The following CYFIP2 variants were observed in gnomAD, a reference collection of about 807,000 sequenced individuals.
The protein encoded by CYFIP2 is cytoplasmic FMR1-interacting protein 2.
A neutral mutation model predicts 158.7 loss-of-function variants in CYFIP2; 29 were observed. The observed-to-expected ratio is 0.18, with a 90% CI of 0.14 to 0.25. The LOEUF (loss-of-function observed/expected upper bound fraction) is 0.25. Among genes scored for constraint, CYFIP2 ranks in the 10% least tolerant of loss-of-function variants. The pLI is 1.00. For synonymous variants in CYFIP2, 585 were observed against 617.6 expected, an observed-to-expected ratio of 0.95 and a Z score of 0.78; for missense variants, 852 against 1,639.5, an observed-to-expected ratio of 0.52 and a Z score of 8.29.
chr5:157,342,397 CTCACAAATTATTTCCAAATAA>C (rs1762334874), intron 23 of CYFIP2: 1 of 154,148 alleles, frequency 6.5e-6, no homozygotes, highest in South Asian at 2.0e-4. Context: ...AGCAAGGGTT[CTCACAAATTATTTCCAAATAA>C]TCCCAAATTA....
At chr5:157,294,939 C>G in intron 4 of CYFIP2, 79 bp downstream of exon 4, 1 of 1,182,486 alleles carries the variant, frequency 8.5e-7, no homozygotes, top group Non-Finnish European at 1.2e-6. Flanking sequence ...AACCAGAGAG[C>G]TGAGCTTTTC....
intron 23 of CYFIP2, among the ~76,000 whole-genome samples, chr5:157,350,506 C>A (rs1762992988): frequency 6.6e-6 from 1 of 152,198 alleles, no homozygotes; most frequent in African/African-American, 2.4e-5. Context: ...AATGACATTA[C>A]CATGCTGTTT....
chr5:157,360,470 C>A, intron 25 of CYFIP2, 98 bp downstream of exon 25: 1 of 987,828 alleles, frequency 1.0e-6, no homozygotes, highest in Non-Finnish European at 1.5e-6. Flanking sequence ...TGCCAGTGAG[C>A]TGGCAGAGTA....
At chr5:157,270,744 T>C (rs533107296) in intron 1 of CYFIP2, among the ~76,000 whole-genome samples, 7 of 152,336 alleles carry the variant, frequency 4.6e-5, no homozygotes, top group African/African-American at 1.4e-4. Flanking sequence ...CAGATTCTTA[T>C]ATTGACAAGG....
In CYFIP2 at chr5:157,360,387, A is replaced by G. The variant is rs1460832372; in HGVS notation, c.2908+15A>G. 6.2e-7 allele frequency: 1 copy of G among 1,609,342 alleles called. No homozygotes were observed. The highest frequency in any genetic ancestry group is 1.1e-5 in the South Asian group (1 of 90,728). On this transcript the variant is annotated intron_variant, in intron 25 of 30. Coordinates refer to ENST00000620254, the MANE Select transcript of CYFIP2 (RefSeq NM_001037333.3). ...TGGCTCCCCAGGTTGGTGATAGCAA[A>G]ACAATCCAGACCCCTCCCATGGTGG...
chr5:157,335,849 A>G (rs140816702), intron 21 of CYFIP2, among the ~76,000 whole-genome samples: 4 of 152,290 alleles, frequency 2.6e-5, no homozygotes, highest in African/African-American at 9.6e-5. Context: ...TAGTTTTCCA[A>G]TAATGAGCAT....
chr5:157,270,370 G>A (rs1373081266), intron 1 of CYFIP2, among the ~76,000 whole-genome samples: 1 of 152,142 alleles, frequency 6.6e-6, no homozygotes, highest in African/African-American at 2.4e-5. Flanking sequence ...GAGACTTCAG[G>A]GTTTGGAACA....
At chr5:157,333,552 G>A in intron 21 of CYFIP2, 106 bp downstream of exon 21, 1 of 1,467,848 alleles carries the variant, frequency 6.8e-7, no homozygotes, top group South Asian at 1.2e-5. Flanking sequence ...AAGAGGGGCA[G>A]TGAGTCTCTT....
intron 1 of CYFIP2, among the ~76,000 whole-genome samples, chr5:157,276,554 C>CT (rs1309002588): frequency 6.6e-6 from 1 of 152,174 alleles, no homozygotes; most frequent in African/African-American, 2.4e-5. Flanking sequence ...TTATCGAGCA[C>CT]TTTCTACCAG....
rs1455964120 is a variant in CYFIP2, at chr5:157,361,230, TGTGTGTGC to T, written c.2909-237_2909-230del. On this transcript the variant is annotated intron_variant, in intron 25 of 30. Transcript: ENST00000620254. The surrounding 1 kb of genome is among the most constrained non-coding windows in gnomAD (Gnocchi z 4.4). ...CCTCATTTGTGTGCCTGTGTTTGTG[TGTGTGTGC>T]ATGTGTGTGCGTGTGTGTGTTCTGA... Among the ~76,000 whole-genome samples the T allele has an allele frequency of 6.6e-6, 1 of 152,094 alleles. No individual in the cohort carries two copies. Among genetic ancestry groups the T allele is most frequent in the Non-Finnish European group, 1.5e-5 (1 of 68,024 alleles).
chr5:157,368,826 G>A (rs537503161), intron 26 of CYFIP2, among the ~76,000 whole-genome samples: 20 of 151,836 alleles, frequency 1.3e-4, no homozygotes, highest in South Asian at 1.0e-3. Context: ...CCCACCTGCC[G>A]GTTGTCAGCA....
At chr5:157,341,192 G>C (rs1253515246) in intron 23 of CYFIP2, 35 bp downstream of exon 23, 3 of 1,594,460 alleles carry the variant, frequency 1.9e-6, no homozygotes. Context: ...CTAGAAGAGG[G>C]TTGGTGAGAA....
In CYFIP2 at chr5:157,320,767, G is replaced by A. The variant is rs1278958471; in HGVS notation, c.1636G>A (p.Val546Met). 5 of 1,607,556 alleles carry A rather than the reference G, an allele frequency of 3.1e-6. No individual in the cohort carries two copies. The Admixed American group carries it at 8.4e-5, about 27-fold the overall frequency. Residue 546 changes from valine (V) to methionine (M), a missense_variant, in exon 15 of 31, where the codon GTG becomes ATG. Around this residue, in one of 8 missense-constraint regions of CYFIP2, gnomAD observed 167 missense variants for 343.3 expected, o/e 0.49. Coordinates refer to ENST00000620254, the MANE Select transcript of CYFIP2 (RefSeq NM_001037333.3). ...KDPKGGFDIK[V>M]PRRAVGPSST... ...CCCCAAAGGTGGATTTGATATCAAG[G>A]TGCCCCGGCGTGCTGTGGGGCCATC...
intron 13 of CYFIP2, among the ~76,000 whole-genome samples, chr5:157,317,672 C>T (rs919319519): frequency 6.6e-6 from 1 of 152,172 alleles, no homozygotes; most frequent in Non-Finnish European, 1.5e-5. Context: ...CTGAGCCACA[C>T]GCTCTAATGT....
chr5:157,278,852 T>C lies in CYFIP2; in HGVS notation c.-23-6487T>C, dbSNP rs141972050. ...CAAATCAAAATGGAGTCACTCATGC[T>C]AAATGCCACTCTCTACCTGAGTCAG... On this transcript the variant is annotated intron_variant, in intron 1 of 30. Coordinates refer to ENST00000620254, the MANE Select transcript of CYFIP2 (RefSeq NM_001037333.3). Among the ~76,000 whole-genome samples, 62 of 152,362 alleles carry C rather than the reference T, an allele frequency of 4.1e-4. No homozygotes were observed. The East Asian group carries it at 7.9e-3, about 19-fold the overall frequency.
rs1767666416 is a variant in CYFIP2 at position 157,395,502 on chromosome 5, AGAT to A, written c.*2506_*2508del. On this transcript the variant is annotated 3_prime_UTR_variant, in exon 31 of 31. Coordinates refer to ENST00000620254, the MANE Select transcript of CYFIP2 (RefSeq NM_001037333.3). ...TAAATCATATTTGCTATGCAGCTGAAGATGATATTTTGATTTGTATTTTGGGGG... is the reference window on the plus strand; with the variant it reads ...TAAATCATATTTGCTATGCAGCTGAAGATATTTTGATTTGTATTTTGGGGG... 1.7e-6 allele frequency: 1 copy of A among 590,624 alleles called. No homozygotes were observed. Among genetic ancestry groups the A allele is most frequent in the Non-Finnish European group, 2.8e-6 (1 of 358,298 alleles). The allele number at this position is 590,624 out of a possible 1,614,324, so 36.6% of individuals were successfully genotyped here. A position where few individuals can be genotyped will look rare whatever the true frequency, so the allele number is the denominator to read the frequency against.
intron 23 of CYFIP2, 146 bp downstream of exon 23, chr5:157,341,303 C>A: frequency 1.4e-6 from 1 of 724,528 alleles, no homozygotes; most frequent in Non-Finnish European, 2.4e-6. Flanking sequence ...TTAATCCCAG[C>A]ACTTCAGGAG....
rs572360574 is a variant in CYFIP2, at chr5:157,361,225, TTGTG to T, written c.2909-234_2909-231del. On this transcript the variant is annotated intron_variant, in intron 25 of 30. Transcript: ENST00000620254. The surrounding 1 kb of genome is among the most constrained non-coding windows in gnomAD (Gnocchi z 4.4). ...TGGTGCCTCATTTGTGTGCCTGTGT[TTGTG>T]TGTGTGTGCATGTGTGTGCGTGTGT... Among the ~76,000 whole-genome samples, 8 of 151,842 alleles carry T rather than the reference TTGTG, an allele frequency of 5.3e-5. No individual in the cohort carries two copies. Among genetic ancestry groups the T allele is most frequent in the Admixed American group, 4.6e-4 (7 of 15,232 alleles).
intron 26 of CYFIP2, 81 bp from the exon 27 acceptor site, chr5:157,382,509 G>A (rs896574195): frequency 1.0e-5 from 15 of 1,474,602 alleles, no homozygotes; most frequent in African/African-American, 2.8e-5. Flanking sequence ...GCTAACTCCA[G>A]TGCTCAGGTT....
Sources: gnomAD v4.1 joint callset for allele counts (sites outside exome capture counted in the v4.1 genomes callset) on GRCh38, gnomAD v4.1.1 for gene constraint, gnomAD v4.1.1 regional missense constraint, Gnocchi (gnomAD v3.1) non-coding constraint, MANE v1.5 for transcripts, NCBI Gene and HGNC (gene_info 2026-07-23, HGNC 2026-07-21) for gene names.